The following RBFOX1 variants were observed in gnomAD, a reference collection of about 807,000 sequenced individuals.
RBFOX1 encodes RNA binding protein fox-1 homolog 1.
RBFOX1 carries 8 observed loss-of-function variants against 57.7 expected under a neutral mutation model. The ratio of observed to expected loss-of-function variants is 0.14; its 90% CI spans 0.08 to 0.25. The LOEUF is 0.25. Among genes scored for constraint, RBFOX1 ranks in the 10% least tolerant of loss-of-function variants. RBFOX1 has a pLI of 1.00. For synonymous variants in RBFOX1, 326 were observed against 222.4 expected (o/e 1.47, Z -4.15); for missense variants, 611 against 548.5 (o/e 1.11, Z -1.14).
chr16:7,336,299 G>A (rs2144761892), intron 4 of RBFOX1, among the ~76,000 whole-genome samples: 1 of 152,298 alleles, frequency 6.6e-6, no homozygotes, highest in South Asian at 2.1e-4. Flanking sequence ...TTGGCTCTGG[G>A]CTGCAAGTGT....
chr16:7,492,849 C>T (rs2067365385), intron 4 of RBFOX1, among the ~76,000 whole-genome samples: 1 of 152,100 alleles, frequency 6.6e-6, no homozygotes, highest in Non-Finnish European at 1.5e-5. Context: ...CTCCCTGAGA[C>T]CTCCCCAGAA....
intron 2 of RBFOX1, 24 bp from the exon 3 acceptor site, chr16:6,654,579 T>A: frequency 1.3e-6 from 2 of 1,497,706 alleles, no homozygotes; most frequent in Non-Finnish European, 1.8e-6. Context: ...TCTCTCACTT[T>A]CCTTTCTTTT....
At chr16:7,702,745 T>C (rs965393598) in intron 14 of RBFOX1, among the ~76,000 whole-genome samples, 20 of 152,194 alleles carry the variant, frequency 1.3e-4, no homozygotes, top group Non-Finnish European at 2.8e-4. Context: ...GTCTGGAATG[T>C]ATGTTCCAGA....
chr16:7,399,092 C>A (rs1226365615), intron 4 of RBFOX1, among the ~76,000 whole-genome samples: 2 of 152,182 alleles, frequency 1.3e-5, no homozygotes, highest in Non-Finnish European at 2.9e-5. Flanking sequence ...GTAATATACT[C>A]ATGTAACAAA....
At chr16:6,911,925 A>G (rs1382855906) in intron 3 of RBFOX1, among the ~76,000 whole-genome samples, 2 of 152,184 alleles carry the variant, frequency 1.3e-5, no homozygotes, top group African/African-American at 4.8e-5. Context: ...GACACAGTGT[A>G]AGATTTGGGC....
intron 4 of RBFOX1, among the ~76,000 whole-genome samples, chr16:7,254,119 C>T (rs1035310875): frequency 7.2e-5 from 11 of 152,144 alleles, no homozygotes; most frequent in Admixed American, 5.9e-4. Flanking sequence ...TTTTAATTCT[C>T]ACATCAACCC....
intron 4 of RBFOX1, among the ~76,000 whole-genome samples, chr16:6,010,728 CA>C (rs1386574143): frequency 6.6e-6 from 1 of 152,198 alleles, no homozygotes; most frequent in East Asian, 1.9e-4. Context: ...ACTAAATTCC[CA>C]AACGGTATCC....
At chr16:6,966,358 T>G (rs529760814) in intron 3 of RBFOX1, among the ~76,000 whole-genome samples, 1 of 151,920 alleles carries the variant, frequency 6.6e-6, no homozygotes, top group Non-Finnish European at 1.5e-5. Context: ...ACAGTCTAGT[T>G]TGAAAGAAAT....
chr16:6,707,518 G>A (rs1041034906), intron 3 of RBFOX1, among the ~76,000 whole-genome samples: 1 of 135,768 alleles, frequency 7.4e-6, no homozygotes, highest in Non-Finnish European at 1.5e-5. Context: ...TCACTGCAGT[G>A]AACATCCTTG....
In RBFOX1 at chr16:5,393,326, A is replaced by C. The variant is rs1398117344; in HGVS notation, c.220-73890A>C. On this transcript the variant is annotated intron_variant, in intron 1 of 2. Coordinates refer to the RBFOX1 transcript ENST00000585867. ...GGTTGGATCCAGCTGTCTCAAGCCG[A>C]ATACTTGGCAGCTTGGGTGTATCTG... is the stretch of plus-strand genomic sequence containing the variant. 3.3e-5 allele frequency among the ~76,000 whole-genome samples: 5 copies of C among 152,196 alleles called. No homozygotes were observed. In the East Asian group the frequency reaches 7.7e-4, roughly 23 times the overall value.
In RBFOX1 at chr16:5,792,409, A is replaced by G. The variant is rs74006299; in HGVS notation, c.319-74894A>G. On this transcript the variant is annotated intron_variant, in intron 3 of 19. Coordinates refer to the RBFOX1 transcript ENST00000641259. ...TCCATGTATAACTTGTGACTCTACA[A>G]AAACTTACCTACTAATAGCCTACCA... 4.7e-3 allele frequency among the ~76,000 whole-genome samples: 717 copies of G among 152,366 alleles called. 6 individuals carry two copies. Among genetic ancestry groups the G allele is most frequent in the African/African-American group, 0.016 (657 of 41,572 alleles).
At position 5,950,183 on chromosome 16, in the gene RBFOX1, A is replaced by G. The variant is rs193079679; in HGVS notation, c.351+82848A>G. 1.4e-4 allele frequency among the ~76,000 whole-genome samples: 22 copies of G among 152,306 alleles called. No homozygotes were observed. The East Asian group carries it at 4.1e-3, about 28-fold the overall frequency. The stretch of plus-strand genomic sequence containing the variant: ...AAACCCAGTGAAAAATAAAAGTGTG[A>G]GGCCTCTTGTTAAAAAATGACACGG... On this transcript the variant is annotated intron_variant, in intron 4 of 19. Coordinates refer to the RBFOX1 transcript ENST00000641259.
At position 6,682,070 on chromosome 16, in the gene RBFOX1, T is replaced by G. The variant is rs540207430; in HGVS notation, c.-16+27420T>G. Among the ~76,000 whole-genome samples, 54 of 152,342 alleles carry G rather than the reference T, an allele frequency of 3.5e-4. No homozygotes were observed. The South Asian group carries it at 0.011, about 30-fold the overall frequency. On this transcript the variant is annotated intron_variant, in intron 3 of 15. Coordinates refer to ENST00000550418, the MANE Select transcript of RBFOX1 (RefSeq NM_018723.4). ...CATATCTACTGGATCCAGTTTGTTT[T>G]GCCCAATAGAACAAAATGTCACGAT...
At chr16:7,040,868 C>A (rs763328216) in intron 3 of RBFOX1, among the ~76,000 whole-genome samples, 2 of 151,848 alleles carry the variant, frequency 1.3e-5, no homozygotes, top group African/African-American at 2.4e-5. Context: ...CAGCTCACTG[C>A]GTGATTCTGT....
chr16:7,048,991 G>C (rs1437803505), intron 3 of RBFOX1, among the ~76,000 whole-genome samples: 1 of 152,160 alleles, frequency 6.6e-6, no homozygotes, highest in East Asian at 1.9e-4. Context: ...TGGGACATGG[G>C]CAGTAGTCTA....
chr16:7,294,944 C>A (rs550477203), intron 4 of RBFOX1, among the ~76,000 whole-genome samples: 3 of 152,168 alleles, frequency 2.0e-5, no homozygotes, highest in African/African-American at 7.2e-5. Context: ...TTCTTGTGCC[C>A]TCAGTTTCTT....
chr16:6,650,318 T>C (rs2154082721), intron 2 of RBFOX1, among the ~76,000 whole-genome samples: 1 of 152,190 alleles, frequency 6.6e-6, no homozygotes, highest in East Asian at 1.9e-4. Flanking sequence ...TAACCCCTTC[T>C]TCCCATAGCA....
At chr16:6,945,798 G>C (rs2079388576) in intron 3 of RBFOX1, among the ~76,000 whole-genome samples, 1 of 152,146 alleles carries the variant, frequency 6.6e-6, no homozygotes, top group Non-Finnish European at 1.5e-5. Flanking sequence ...GGCCGAGACG[G>C]GAGAATCGCC....
chr16:7,288,974 CAGCCTGCTGAGAATCTGAGTG>C (rs1250094788), intron 4 of RBFOX1, among the ~76,000 whole-genome samples: 1 of 152,184 alleles, frequency 6.6e-6, no homozygotes, highest in Non-Finnish European at 1.5e-5. Context: ...AAGAAAGTGA[CAGCCTGCTGAGAATCTGAGTG>C]ATATTAGAGG....
Sources: gnomAD v4.1 joint callset for allele counts (sites outside exome capture counted in the v4.1 genomes callset) on GRCh38, gnomAD v4.1.1 for gene constraint, MANE v1.5 for transcripts, NCBI Gene and HGNC (gene_info 2026-07-23, HGNC 2026-07-21) for gene names.